PCDH15: variants seen among roughly 807,000 people sequenced by gnomAD.
PCDH15 encodes the protein protocadherin related 15.
In PCDH15, 129 loss-of-function variants were observed where a neutral mutation model predicts 178.5. The ratio of observed to expected loss-of-function variants is 0.72; its 90% confidence interval spans 0.63 to 0.84. The LOEUF (loss-of-function observed/expected upper bound fraction) is 0.84, where lower values mean the gene tolerates loss of function less well. Among genes scored for constraint, PCDH15 ranks in the 40% least tolerant of loss-of-function variants. PCDH15 has a pLI of 0.00. For synonymous variants in PCDH15, 800 were observed against 732.0 expected (o/e 1.09, Z -1.50); for missense variants, 2,230 against 2,099.9 (o/e 1.06, Z -1.21).
intron 2 of PCDH15, among the ~76,000 whole-genome samples, chr10:54,656,265 C>G (rs2094404357): frequency 1.3e-5 from 2 of 151,980 alleles, no homozygotes; most frequent in South Asian, 4.1e-4. Flanking sequence ...CAAGAAGAAG[C>G]TAGGGTACAG....
intron 3 of PCDH15, among the ~76,000 whole-genome samples, chr10:54,519,028 C>A (rs1438299925): frequency 1.3e-5 from 2 of 152,196 alleles, no homozygotes; most frequent in African/African-American, 4.8e-5. Context: ...ATGCTAAAAA[C>A]TCTCAATAAA....
intron 1 of PCDH15, among the ~76,000 whole-genome samples, chr10:55,301,414 C>T (rs1230723882): frequency 6.6e-6 from 1 of 151,840 alleles, no homozygotes; most frequent in Non-Finnish European, 1.5e-5. Context: ...GGCAAATTAC[C>T]TATTTCTGTA....
At chr10:53,895,972 T>A (rs1044569284) in intron 26 of PCDH15, among the ~76,000 whole-genome samples, 1 of 152,184 alleles carries the variant, frequency 6.6e-6, no homozygotes, top group African/African-American at 2.4e-5. Flanking sequence ...TCACTGGGTA[T>A]TTGGCTGAGT....
intron 2 of PCDH15, among the ~76,000 whole-genome samples, chr10:55,112,843 G>A (rs1347938315): frequency 6.6e-6 from 1 of 152,126 alleles, no homozygotes; most frequent in Non-Finnish European, 1.5e-5. Context: ...CCAGCCTTGG[G>A]AAGAGAAGGA....
chr10:55,077,405 TC>T lies in PCDH15; in HGVS notation c.-80+89170del, dbSNP rs1310820761. Among the ~76,000 whole-genome samples, 7 of 41,864 alleles carry T rather than the reference TC, an allele frequency of 1.7e-4. No homozygotes were observed. In the South Asian group the frequency reaches 6.0e-3, roughly 36 times the overall value. 27.5% of individuals were successfully genotyped at this position (41,864 alleles called of 152,430 possible). A position where few individuals can be genotyped will look rare whatever the true frequency, so the allele number is the denominator to read the frequency against. On this transcript the variant is annotated intron_variant, in intron 2 of 5. Transcript: ENST00000458638. ...TGGTTTGGTGGTTTTCTCTCTTCCTTCCTTCCTTCCTTCCTTCCTTCCTTCC... is the reference window on the plus strand; with the variant it reads ...TGGTTTGGTGGTTTTCTCTCTTCCTTCTTCCTTCCTTCCTTCCTTCCTTCC...
intron 8 of PCDH15, among the ~76,000 whole-genome samples, chr10:54,251,050 T>A (rs185888136): frequency 6.6e-6 from 1 of 152,246 alleles, no homozygotes; most frequent in East Asian, 1.9e-4. Context: ...TTGAGTACTT[T>A]TATTCTGAAG....
At chr10:54,648,530 G>A (rs1003762732) in intron 2 of PCDH15, among the ~76,000 whole-genome samples, 1 of 152,006 alleles carries the variant, frequency 6.6e-6, no homozygotes, top group Non-Finnish European at 1.5e-5. Flanking sequence ...ATAAAGCTAT[G>A]CAATTTTGTA....
chr10:55,562,252 A>G (rs1842214687), intron 2 of PCDH15, among the ~76,000 whole-genome samples: 1 of 151,972 alleles, frequency 6.6e-6, no homozygotes, highest in Non-Finnish European at 1.5e-5. Context: ...GTTGTCCCTT[A>G]TTTACTGATT....
At chr10:55,549,150 G>C (rs906987205) in intron 2 of PCDH15, among the ~76,000 whole-genome samples, 2 of 148,136 alleles carry the variant, frequency 1.4e-5, no homozygotes, top group Non-Finnish European at 3.0e-5. Context: ...GGAAGAAGAG[G>C]GTTTTTTTTG....
intron 14 of PCDH15, among the ~76,000 whole-genome samples, chr10:54,138,551 A>G (rs902398406): frequency 6.6e-6 from 1 of 152,146 alleles, no homozygotes; most frequent in Non-Finnish European, 1.5e-5. Context: ...GGAGTTTGCT[A>G]TTGAATGGGA....
rs776227894 is a variant in PCDH15 at position 53,840,459 on chromosome 10, C to A, written c.3844G>T (p.Ala1282Ser). Residue 1282 changes from alanine to serine, a missense_variant, in exon 29 of 38, where the codon GCC becomes TCC. Physicochemically the swap from Ala to Ser is moderately conservative, Grantham distance 99. Coordinates refer to ENST00000644397, the MANE Select transcript of PCDH15 (RefSeq NM_001384140.1). ...CCAATGGACTCCACTACGACCTTGG[C>A]ACCAGGAATTTGTTCCTGAACATAG... Reference protein sequence around the residue: ...DRYVQEQIPGAKVVVESIGAR... With the variant: ...DRYVQEQIPGSKVVVESIGAR... The A allele has an allele frequency of 6.2e-7, 1 of 1,614,066 alleles. No homozygotes were observed. The highest frequency in any genetic ancestry group is 1.3e-5 in the African/African-American group (1 of 75,012).
At chr10:55,001,015 C>G (rs1032280357) in intron 2 of PCDH15, among the ~76,000 whole-genome samples, 1 of 152,164 alleles carries the variant, frequency 6.6e-6, no homozygotes, top group African/African-American at 2.4e-5. Flanking sequence ...GACTCACACA[C>G]TCTTTGAGAC....
At chr10:53,969,236 T>A (rs1306665243) in intron 21 of PCDH15, among the ~76,000 whole-genome samples, 2 of 152,072 alleles carry the variant, frequency 1.3e-5, no homozygotes, top group African/African-American at 4.8e-5. Flanking sequence ...GCCGATTTGA[T>A]CAAGTGGAAG....
At chr10:55,513,990 A>G (rs1221121744) in intron 2 of PCDH15, among the ~76,000 whole-genome samples, 2 of 152,046 alleles carry the variant, frequency 1.3e-5, no homozygotes, top group African/African-American at 4.8e-5. Flanking sequence ...CTAGAGATCC[A>G]TGGGGCTGGT....
In PCDH15 at chr10:55,364,781, C is replaced by T. The variant is rs1845313649; in HGVS notation, c.-155-198130G>A. Among the ~76,000 whole-genome samples the T allele has an allele frequency of 6.6e-5, 10 of 152,156 alleles. No homozygotes were observed. The South Asian group carries it at 2.1e-3, about 32-fold the overall frequency. On this transcript the variant is annotated intron_variant, in intron 2 of 5. Transcript: ENST00000613346. ...TTTCCATGCAGTGTTTTTCCCTAGT[C>T]CTATAGATTAAAAGATTTCTATTGA...
At chr10:55,521,459 A>G (rs2132165159) in intron 2 of PCDH15, among the ~76,000 whole-genome samples, 1 of 152,102 alleles carries the variant, frequency 6.6e-6, no homozygotes, top group Non-Finnish European at 1.5e-5. Context: ...CAAAAGCAAT[A>G]TTCAGTAGAA....
At chr10:55,072,504 T>C (rs928313458) in intron 2 of PCDH15, among the ~76,000 whole-genome samples, 15 of 151,982 alleles carry the variant, frequency 9.9e-5, no homozygotes, top group Non-Finnish European at 1.6e-4. Flanking sequence ...CTAGAAGAAA[T>C]GGATAAATTC....
chr10:54,861,533 C>T (rs1953843018), intron 3 of PCDH15, among the ~76,000 whole-genome samples: 1 of 152,034 alleles, frequency 6.6e-6, no homozygotes, highest in Admixed American at 6.6e-5. Flanking sequence ...TATCAGGCAT[C>T]AAAGGAACAT....
At chr10:55,209,517 T>C (rs138608414) in intron 1 of PCDH15, among the ~76,000 whole-genome samples, 1 of 151,660 alleles carries the variant, frequency 6.6e-6, no homozygotes, top group African/African-American at 2.4e-5. Context: ...TGAGGAAAAG[T>C]GGACAAATTA....
Sources: gnomAD v4.1 joint callset for allele counts (sites outside exome capture counted in the v4.1 genomes callset) on GRCh38, gnomAD v4.1.1 for gene constraint, MANE v1.5 for transcripts, NCBI Gene and HGNC (gene_info 2026-07-23, HGNC 2026-07-21) for gene names.